Variants in ABCD3 observed in about 807,000 individuals in gnomAD.
ABCD3 encodes ATP-binding cassette sub-family D member 3.
ABCD3 carries 41 observed loss-of-function variants against 105.5 expected under a neutral mutation model. That is an observed-to-expected ratio of 0.39 (90% CI 0.30 to 0.50). ABCD3 has a LOEUF of 0.50. Ranked by LOEUF, ABCD3 falls within the 20% of genes least tolerant of loss-of-function variation. The pLI is 0.84. For missense variants in ABCD3, 622 were observed against 806.3 expected (o/e 0.77, Z 2.77); for synonymous variants, 258 against 269.0 (o/e 0.96, Z 0.40).
In ABCD3 at chr1:94,483,231, C is replaced by T; in HGVS notation, c.889C>T (p.Arg297Ter). ...AAAGCAGACAGTCCACTCAGTCTTC[C>T]GAAAACTGGTAAGATAACACACTTG... ...REKQTVHSVF[R>*]KLVEHLHNFI... The change falls in exon 10 of 23, where the codon CGA becomes TGA. Residue 297 changes from arginine to a stop codon, truncating the protein, a stop_gained. Transcript: ENST00000370214. LOFTEE classifies it high-confidence loss of function. The T allele has an allele frequency of 1.9e-6, 3 of 1,612,622 alleles. No homozygotes were observed. The highest frequency in any genetic ancestry group is 1.7e-6 in the Non-Finnish European group (2 of 1,178,874).
intron 9 of ABCD3, 55 bp from the exon 10 acceptor site, chr1:94,483,115 A>AT: frequency 8.5e-7 from 1 of 1,177,472 alleles, no homozygotes. Flanking sequence ...TATTTCAATT[A>AT]TTTTCCAAGC....
rs1557655236 is a variant in ABCD3 at position 94,418,605 on chromosome 1, C to G, written c.110+17C>G. On this transcript the variant is annotated intron_variant, in intron 1 of 22. Coordinates refer to ENST00000370214, the MANE Select transcript of ABCD3 (RefSeq NM_002858.4). ...CCTGCACGGGTAAGAAGGCCCGTAG[C>G]CGTGCAGCTTTCCCGGGCTGGAGCG... 6.3e-7 allele frequency: 1 copy of G among 1,581,116 alleles called. No homozygotes were observed. The highest frequency in any genetic ancestry group is 8.5e-7 in the Non-Finnish European group (1 of 1,169,826).
intron 3 of ABCD3, among the ~76,000 whole-genome samples, chr1:94,467,075 C>CA (rs1648175734): frequency 6.6e-6 from 1 of 152,202 alleles, no homozygotes; most frequent in Non-Finnish European, 1.5e-5. Flanking sequence ...CTGTCTTGCA[C>CA]AGCATTGCTT....
At chr1:94,385,243 G>C in the ABCD3 span, among the ~76,000 whole-genome samples, 1 of 152,216 alleles carries the variant, frequency 6.6e-6, no homozygotes, top group Non-Finnish European at 1.5e-5. Context: ...CGAGAGGTGA[G>C]TGTTGGGGAA....
At chr1:94,432,861 CT>C (rs35010583) in intron 1 of ABCD3, among the ~76,000 whole-genome samples, 4 of 148,412 alleles carry the variant, frequency 2.7e-5, no homozygotes, top group African/African-American at 2.5e-5. Flanking sequence ...AATTTTTTTT[CT>C]TTTTTTTTTT....
chr1:94,475,629 T>C lies in ABCD3; in HGVS notation c.519T>C (p.Tyr173=), dbSNP rs1259664892. Residue 173 remains tyrosine (Y), a synonymous_variant, in exon 7 of 23, where the codon TAT becomes TAC. Transcript: ENST00000370214. The stretch of plus-strand genomic sequence containing the variant: ...GCTATTTTAGAGCTTTCACATATTA[T>C]AAAATGGGGAATCTGGACAACAGAA... ...YEEYLQAFTY[Y]KMGNLDNRIA... is the part of the protein sequence containing the mutation. 4 of 1,611,924 alleles carry C rather than the reference T, an allele frequency of 2.5e-6. No individual in the cohort carries two copies. The highest frequency in any genetic ancestry group is 1.3e-5 in the African/African-American group (1 of 74,862).
chr1:94,493,663 A>G (rs1389378421), intron 16 of ABCD3, among the ~76,000 whole-genome samples: 1 of 152,044 alleles, frequency 6.6e-6, no homozygotes, highest in Non-Finnish European at 1.5e-5. Flanking sequence ...TTGCGGCACT[A>G]TTCACAATAG....
At chr1:94,514,356 TC>T (rs1650830869) in intron 21 of ABCD3, 1 of 151,724 alleles carries the variant, frequency 6.6e-6, no homozygotes. Context: ...TTGCCAAATG[TC>T]CCCCTGAGGG....
Position 94,499,012 on chromosome 1 carries a change from A to C in ABCD3, c.1598A>C (p.Lys533Thr). Residue 533 changes from lysine to threonine, a missense_variant, in exon 19 of 23, where the codon AAA becomes ACA. By Grantham distance (78) the Lys-to-Thr change is moderately conservative. This residue lies in a region of ABCD3 where 285 missense variants were observed against 352.5 expected (regional missense o/e 0.81). Coordinates refer to ENST00000370214, the MANE Select transcript of ABCD3 (RefSeq NM_002858.4). ...TATCCAGATGGACGAGAAGATCAGAAAAGGAAGGGAATTTCTGACCTAGTA... is the reference window on the plus strand; with the variant it reads ...TATCCAGATGGACGAGAAGATCAGACAAGGAAGGGAATTTCTGACCTAGTA... ...VIYPDGREDQ[K>T]RKGISDLVLK... The C allele has an allele frequency of 6.2e-7, 1 of 1,613,886 alleles. No individual in the cohort carries two copies. The highest frequency in any genetic ancestry group is 8.5e-7 in the Non-Finnish European group (1 of 1,179,840).
At chr1:94,456,272 T>G (rs1467277260) in intron 1 of ABCD3, among the ~76,000 whole-genome samples, 2 of 117,196 alleles carry the variant, frequency 1.7e-5, no homozygotes, top group Non-Finnish European at 3.5e-5. Context: ...TTTTTTTTTT[T>G]TTTTTTTTTT....
chr1:94,483,949 A>G (rs1277351500), intron 10 of ABCD3, among the ~76,000 whole-genome samples: 4 of 152,224 alleles, frequency 2.6e-5, no homozygotes, highest in African/African-American at 9.7e-5. Context: ...ATTTACAAGA[A>G]AAAAACAACC....
intron 4 of ABCD3, among the ~76,000 whole-genome samples, chr1:94,470,511 A>T (rs1648401577): frequency 6.6e-6 from 1 of 151,944 alleles, no homozygotes; most frequent in Non-Finnish European, 1.5e-5. Context: ...ATCTTTTTTT[A>T]AAAAATTGTT....
intron 1 of ABCD3, among the ~76,000 whole-genome samples, chr1:94,443,746 C>T (rs1660223448): frequency 6.6e-6 from 1 of 152,034 alleles, no homozygotes; most frequent in Admixed American, 6.6e-5. Context: ...TGTCCTTTCC[C>T]CAGTGCATAT....
chr1:94,421,065 T>C (rs1659241863), intron 1 of ABCD3, among the ~76,000 whole-genome samples: 1 of 152,156 alleles, frequency 6.6e-6, no homozygotes, highest in African/African-American at 2.4e-5. Context: ...ATCTCATATA[T>C]ATGTGTGTGT....
At chr1:94,512,568 C>T (rs1477189955) in intron 21 of ABCD3, among the ~76,000 whole-genome samples, 1 of 151,932 alleles carries the variant, frequency 6.6e-6, no homozygotes, top group East Asian at 1.9e-4. Context: ...TTTATCTAAA[C>T]ATTAGAGTTT....
the ABCD3 span, among the ~76,000 whole-genome samples, chr1:94,397,006 T>C: frequency 6.6e-6 from 1 of 152,242 alleles, no homozygotes; most frequent in Non-Finnish European, 1.5e-5. Context: ...TTTGTCTATT[T>C]ATGCTAGTTT....
At chr1:94,462,845 C>T (rs909207372) in intron 2 of ABCD3, among the ~76,000 whole-genome samples, 4 of 151,904 alleles carry the variant, frequency 2.6e-5, no homozygotes, top group Admixed American at 6.6e-5. Context: ...GTGGTGATGG[C>T]GATAGGAGGA....
Position 94,517,253 on chromosome 1 carries a change from T to C in ABCD3, c.*124T>C. The stretch of plus-strand genomic sequence containing the variant: ...TAAAAAAAAAAACAAAGCAACAAAT[T>C]AACTAGATACAGAATAATGGAGAAC... On this transcript the variant is annotated 3_prime_UTR_variant, in exon 23 of 23. Transcript: ENST00000370214. 1 of 735,484 alleles carries C rather than the reference T, an allele frequency of 1.4e-6. No individual in the cohort carries two copies. The highest frequency in any genetic ancestry group is 1.5e-5 in the South Asian group (1 of 65,768). 45.6% of individuals were successfully genotyped at this position (735,484 alleles called of 1,614,324 possible).
At chr1:94,393,344 A>G in the ABCD3 span, among the ~76,000 whole-genome samples, 1 of 152,022 alleles carries the variant, frequency 6.6e-6, no homozygotes, top group African/African-American at 2.4e-5. Context: ...AAAGAGATTG[A>G]AAGAAGACTG....
Sources: gnomAD v4.1 joint callset for allele counts (sites outside exome capture counted in the v4.1 genomes callset) on GRCh38, gnomAD v4.1.1 for gene constraint, gnomAD v4.1.1 regional missense constraint, MANE v1.5 for transcripts, NCBI Gene and HGNC (gene_info 2026-07-23, HGNC 2026-07-21) for gene names.